BCKDHB: variants seen among roughly 807,000 people sequenced by gnomAD.
BCKDHB encodes 2-oxoisovalerate dehydrogenase subunit beta, mitochondrial.
Under a neutral mutation model 48.5 loss-of-function variants are expected in BCKDHB, and 41 were observed. That is an observed-to-expected ratio of 0.85 (90% CI 0.66 to 1.10). The LOEUF is 1.10. BCKDHB is among the 50% of genes least tolerant of loss of function. The pLI, the probability that BCKDHB is intolerant of heterozygous loss-of-function variation, is 0.00. For missense variants in BCKDHB, 496 were observed against 494.2 expected, an observed-to-expected ratio of 1.00 and a Z score of -0.03; for synonymous variants, 201 against 174.8, an observed-to-expected ratio of 1.15 and a Z score of -1.18.
chr6:80,226,461 G>C (rs1775681757), intron 8 of BCKDHB, among the ~76,000 whole-genome samples: 1 of 152,186 alleles, frequency 6.6e-6, no homozygotes, highest in South Asian at 2.1e-4. Context: ...ATCTTATCAA[G>C]CCAGAGCTAC....
At chr6:80,366,338 ATACTGTATGCCACAACTAT>A in the BCKDHB span, among the ~76,000 whole-genome samples, 1 of 152,292 alleles carries the variant, frequency 6.6e-6, no homozygotes, top group East Asian at 1.9e-4. Flanking sequence ...AATGTTTAGT[ATACTGTATGCCACAACTAT>A]AACTGGAAAG....
At chr6:80,242,297 A>G (rs1237966136) in intron 8 of BCKDHB, among the ~76,000 whole-genome samples, 6 of 152,132 alleles carry the variant, frequency 3.9e-5, no homozygotes, top group Admixed American at 3.9e-4. Flanking sequence ...AACAGTATCC[A>G]CTGTTCATGT....
chr6:80,127,379 G>A (rs1425237242), intron 1 of BCKDHB, 168 bp from the exon 2 acceptor site: 8 of 636,976 alleles, frequency 1.3e-5, no homozygotes, highest in Non-Finnish European at 2.2e-5. Context: ...GCTTCTCCAG[G>A]TCTGTATTGC....
At chr6:80,199,530 C>T (rs1774283965) in intron 6 of BCKDHB, among the ~76,000 whole-genome samples, 1 of 152,052 alleles carries the variant, frequency 6.6e-6, no homozygotes. Flanking sequence ...GTAATCCCAG[C>T]ACTTTGGGAG....
intron 1 of BCKDHB, among the ~76,000 whole-genome samples, chr6:80,109,988 A>G (rs577078776): frequency 1.3e-4 from 20 of 152,356 alleles, no homozygotes; most frequent in Middle Eastern, 3.4e-3. Context: ...GTTAAAAAAT[A>G]TTGAAGAACA....
the BCKDHB span, among the ~76,000 whole-genome samples, chr6:80,449,741 G>C: frequency 2.6e-5 from 4 of 152,136 alleles, no homozygotes; most frequent in African/African-American, 7.2e-5. Context: ...CCAGTGTCAA[G>C]ATGTATTTCC....
rs138670449 is a variant in BCKDHB at position 80,273,170 on chromosome 6, C to T, written c.987C>T (p.His329=). 960 of 1,613,572 alleles carry T rather than the reference C, an allele frequency of 5.9e-4. 10 individuals carry two copies. The South Asian group carries it at 7.5e-3, about 13-fold the overall frequency. ...VIKTGRLLIS[H]EAPLTGGFAS... is the part of the protein sequence containing the mutation. ...AAACAGGGCGACTGCTAATCAGTCA[C>T]GAGGCTCCCTTGACAGGCGGCTTTG... Residue 329 remains histidine (H), a synonymous_variant, in exon 9 of 10, where the codon CAC becomes CAT. Transcript: ENST00000320393.
the BCKDHB span, chr6:80,374,230 T>C: frequency 1.3e-6 from 1 of 743,564 alleles, no homozygotes. Context: ...ATATGCTCAA[T>C]GGCCAGAGAG....
intron 8 of BCKDHB, among the ~76,000 whole-genome samples, chr6:80,271,513 G>A (rs1777740507): frequency 6.6e-6 from 1 of 152,024 alleles, no homozygotes; most frequent in South Asian, 2.1e-4. Flanking sequence ...TTGCTTTCAG[G>A]GATTATTCTA....
At chr6:80,418,316 AC>A in the BCKDHB span, among the ~76,000 whole-genome samples, 17 of 152,062 alleles carry the variant, frequency 1.1e-4, no homozygotes, top group Non-Finnish European at 2.1e-4. Flanking sequence ...CTGGTTCAGA[AC>A]CCCTGCTAGA....
At chr6:80,330,124 C>G (rs1338586962) in intron 9 of BCKDHB, among the ~76,000 whole-genome samples, 1 of 148,412 alleles carries the variant, frequency 6.7e-6, no homozygotes, top group Non-Finnish European at 1.5e-5. Flanking sequence ...AAAAAAAAAG[C>G]TTTGGTATGA....
chr6:80,236,486 T>C (rs1776151679), intron 8 of BCKDHB, among the ~76,000 whole-genome samples: 1 of 152,208 alleles, frequency 6.6e-6, no homozygotes, highest in South Asian at 2.1e-4. Flanking sequence ...TCTAAGAAAA[T>C]AAATGTAAGT....
intron 3 of BCKDHB, among the ~76,000 whole-genome samples, chr6:80,139,456 A>C (rs1027371609): frequency 6.6e-6 from 1 of 151,944 alleles, no homozygotes; most frequent in Admixed American, 6.6e-5. Context: ...TTAAGTCTTT[A>C]ATCCATCTTG....
intron 1 of BCKDHB, among the ~76,000 whole-genome samples, chr6:80,109,920 A>G (rs769496808): frequency 6.6e-6 from 1 of 152,194 alleles, no homozygotes; most frequent in African/African-American, 2.4e-5. Flanking sequence ...CAGAGTTTGA[A>G]TCCTGATGTG....
At chr6:80,406,032 G>A in the BCKDHB span, among the ~76,000 whole-genome samples, 1 of 151,732 alleles carries the variant, frequency 6.6e-6, no homozygotes, top group African/African-American at 2.4e-5. Flanking sequence ...GTGTCCATGT[G>A]TTCTCATTGT....
the BCKDHB span, among the ~76,000 whole-genome samples, chr6:80,391,204 A>G: frequency 2.4e-5 from 2 of 81,874 alleles, no homozygotes; most frequent in Non-Finnish European, 6.3e-5. Flanking sequence ...TGTGTCTCCT[A>G]TTAGTTCTGT....
chr6:80,314,555 C>T (rs943925526), intron 9 of BCKDHB, among the ~76,000 whole-genome samples: 1 of 152,144 alleles, frequency 6.6e-6, no homozygotes, highest in South Asian at 2.1e-4. Context: ...GAGGACCCAC[C>T]CTCGAGGGGG....
chr6:80,343,763 T>G lies in BCKDHB; in HGVS notation c.1138T>G (p.Trp380Gly), dbSNP rs1181996572. The G allele has an allele frequency of 6.2e-7, 1 of 1,613,890 alleles. No individual in the cohort carries two copies. Among genetic ancestry groups the G allele is most frequent in the Non-Finnish European group, 8.5e-7 (1 of 1,179,988 alleles). The change falls in exon 10 of 10, where the codon TGG becomes GGG. Residue 380 changes from tryptophan (W) to glycine (G), a missense_variant. Transcript: ENST00000320393. Reference protein sequence around the residue: ...IFEPFYIPDKWKCYDALRKMI... With the variant: ...IFEPFYIPDKGKCYDALRKMI... Reference sequence around the variant, plus strand: ...TGAACCATTCTACATCCCAGACAAATGGAAGTGTTATGATGCCCTTCGAAA... The same window carrying G: ...TGAACCATTCTACATCCCAGACAAAGGGAAGTGTTATGATGCCCTTCGAAA...
intron 9 of BCKDHB, among the ~76,000 whole-genome samples, chr6:80,287,808 C>T (rs1766703918): frequency 6.6e-6 from 1 of 152,138 alleles, no homozygotes; most frequent in East Asian, 1.9e-4. Flanking sequence ...TTAGACAAGC[C>T]CCCTGTGCAC....
Sources: allele counts gnomAD v4.1 joint callset (sites outside exome capture counted in the v4.1 genomes callset), GRCh38; gene constraint gnomAD v4.1.1; transcripts MANE v1.5; gene names NCBI Gene and HGNC (gene_info 2026-07-23, HGNC 2026-07-21).